The following METTL15 variants were observed in gnomAD, a reference collection of about 807,000 sequenced individuals.
The protein encoded by METTL15 is 12S rRNA N(4)-cytidine methyltransferase METTL15.
In METTL15, 34 loss-of-function variants were observed where a neutral mutation model predicts 38.3. That is an observed-to-expected ratio of 0.89 (90% confidence interval 0.68 to 1.18). The LOEUF is 1.18. Among genes scored for constraint, METTL15 ranks in the 50% most tolerant of loss-of-function variants. The pLI is 0.00. For synonymous variants in METTL15, 162 were observed against 170.9 expected, an observed-to-expected ratio of 0.95 and a Z score of 0.41; for missense variants, 438 against 498.4, an observed-to-expected ratio of 0.88 and a Z score of 1.15.
chr11:28,428,003 A>C (rs1850880733), intron 6 of METTL15, among the ~76,000 whole-genome samples: 1 of 152,166 alleles, frequency 6.6e-6, no homozygotes, highest in African/African-American at 2.4e-5. Flanking sequence ...CTGGTTTTCC[A>C]GATTTGGGGC....
At chr11:28,281,132 A>AATG (rs1369534703) in intron 4 of METTL15, among the ~76,000 whole-genome samples, 1 of 152,172 alleles carries the variant, frequency 6.6e-6, no homozygotes, top group Admixed American at 6.5e-5. Flanking sequence ...GATACCACTT[A>AATG]ATGTTGCTTT....
chr11:28,483,976 G>A (rs2133475510), intron 6 of METTL15, among the ~76,000 whole-genome samples: 1 of 152,138 alleles, frequency 6.6e-6, no homozygotes, highest in Non-Finnish European at 1.5e-5. Context: ...AGAGTGAGAT[G>A]GTAGGACTGA....
At chr11:28,492,340 G>C (rs987689910) in intron 6 of METTL15, among the ~76,000 whole-genome samples, 39 of 152,196 alleles carry the variant, frequency 2.6e-4, no homozygotes, top group African/African-American at 8.9e-4. Flanking sequence ...TCTTGTGGCA[G>C]GTGCTTCTTT....
At chr11:28,276,710 G>A (rs1380096374) in intron 4 of METTL15, among the ~76,000 whole-genome samples, 1 of 152,072 alleles carries the variant, frequency 6.6e-6, no homozygotes, top group Non-Finnish European at 1.5e-5. Flanking sequence ...AAAACAGCCT[G>A]GTATTGGTAT....
At chr11:28,201,091 A>G (rs200700223) in intron 3 of METTL15, among the ~76,000 whole-genome samples, 55 of 152,246 alleles carry the variant, frequency 3.6e-4, no homozygotes, top group East Asian at 2.9e-3. Flanking sequence ...TTCCATCAAT[A>G]CAGTTTATTG....
chr11:28,430,604 G>A (rs1850913516), intron 6 of METTL15, among the ~76,000 whole-genome samples: 1 of 44,470 alleles, frequency 2.2e-5, no homozygotes, highest in Non-Finnish European at 4.9e-5. Flanking sequence ...AGGTGGGGGG[G>A]TCAGCCCTCC....
rs999019270 is a variant in METTL15 at position 28,409,404 on chromosome 11, A to G, written c.*359-14895A>G. On this transcript the variant is annotated intron_variant and NMD_transcript_variant, in intron 5 of 7. Coordinates refer to the METTL15 transcript ENST00000532947. ...CTCAAAAAAAAAAAAAAAAAAAAAAAAGGAATATTTATATCATATGTAATA... is the reference window on the plus strand; with the variant it reads ...CTCAAAAAAAAAAAAAAAAAAAAAAGAGGAATATTTATATCATATGTAATA... 2.0e-5 allele frequency among the ~76,000 whole-genome samples: 3 copies of G among 150,022 alleles called. No homozygotes were observed. The South Asian group carries it at 6.3e-4, about 31-fold the overall frequency.
At chr11:28,353,360 C>G (rs1419799318) in intron 4 of METTL15, among the ~76,000 whole-genome samples, 1 of 151,994 alleles carries the variant, frequency 6.6e-6, no homozygotes, top group Non-Finnish European at 1.5e-5. Flanking sequence ...AAGAGATATC[C>G]AAGTGGAAAT....
chr11:28,407,764 G>A (rs957934476), intron 5 of METTL15, among the ~76,000 whole-genome samples: 2 of 151,998 alleles, frequency 1.3e-5, no homozygotes, highest in Middle Eastern at 3.2e-3. Context: ...CTGAAAGACC[G>A]AGAACCAGAA....
chr11:28,494,754 G>A (rs146458026), intron 6 of METTL15, among the ~76,000 whole-genome samples: 25 of 152,254 alleles, frequency 1.6e-4, no homozygotes, highest in South Asian at 1.0e-3. Flanking sequence ...AGTCAGTTCC[G>A]CTGCACATGC....
chr11:28,347,738 C>T (rs980598321), intron 3 of METTL15, among the ~76,000 whole-genome samples: 1 of 152,182 alleles, frequency 6.6e-6, no homozygotes, highest in Admixed American at 6.5e-5. Context: ...CCCGGAATTC[C>T]ACACTTTTGA....
At chr11:28,410,791 G>T (rs918713498) in intron 5 of METTL15, 2 of 151,856 alleles carry the variant, frequency 1.3e-5, no homozygotes, top group Non-Finnish European at 2.9e-5. Context: ...ACAAGAAAAA[G>T]AAATAAAAGG....
chr11:28,222,257 C>T (rs967762328), intron 4 of METTL15, among the ~76,000 whole-genome samples: 17 of 152,142 alleles, frequency 1.1e-4, no homozygotes, highest in Admixed American at 1.0e-3. Flanking sequence ...CAATGGCGGG[C>T]GCCCCTCCCC....
intron 5 of METTL15, among the ~76,000 whole-genome samples, chr11:28,379,084 A>G (rs1373374617): frequency 2.6e-5 from 4 of 150,944 alleles, no homozygotes; most frequent in Admixed American, 2.6e-4. Flanking sequence ...TTTGTTTCTG[A>G]TTTTATTTAT....
chr11:28,457,073 A>G (rs75379880), intron 6 of METTL15, among the ~76,000 whole-genome samples: 5,704 of 152,298 alleles, frequency 0.037, 360 homozygotes, highest in African/African-American at 0.13. Flanking sequence ...ATAGCAATAA[A>G]TACCTGGAAC....
intron 6 of METTL15, among the ~76,000 whole-genome samples, chr11:28,303,633 C>A (rs945237793): frequency 5.3e-5 from 8 of 152,044 alleles, no homozygotes; most frequent in African/African-American, 1.9e-4. Context: ...AACCTTTATT[C>A]TGACTCATAA....
downstream of METTL15, among the ~76,000 whole-genome samples, chr11:28,530,911 T>A (rs976682359): frequency 5.3e-5 from 8 of 152,044 alleles, no homozygotes; most frequent in African/African-American, 1.9e-4. Context: ...AAAATAGATA[T>A]CTGTACTACT....
intron 3 of METTL15, among the ~76,000 whole-genome samples, chr11:28,147,386 A>G (rs183452817): frequency 2.6e-5 from 4 of 151,994 alleles, no homozygotes; most frequent in South Asian, 2.1e-4. Flanking sequence ...AGTGGATTAC[A>G]TATCTTTCAG....
At chr11:28,122,367 GTGTGTATA>G (rs1423032202) in intron 3 of METTL15, among the ~76,000 whole-genome samples, 4 of 59,626 alleles carry the variant, frequency 6.7e-5, no homozygotes, top group African/African-American at 4.2e-4. Context: ...GTGTGTGTGT[GTGTGTATA>G]TATATATATA....
Sources: allele counts gnomAD v4.1 joint callset (sites outside exome capture counted in the v4.1 genomes callset), GRCh38; gene constraint gnomAD v4.1.1; transcripts MANE v1.5; gene names NCBI Gene and HGNC (gene_info 2026-07-23, HGNC 2026-07-21).